SCN11A: variants seen among roughly 807,000 people sequenced by gnomAD.
The protein encoded by SCN11A is sodium channel protein type 11 subunit alpha.
Under a neutral mutation model 162.2 loss-of-function variants are expected in SCN11A, and 122 were observed. The ratio of observed to expected loss-of-function variants is 0.75; its 90% CI spans 0.65 to 0.87. The LOEUF (loss-of-function observed/expected upper bound fraction) is 0.87. Among genes scored for constraint, SCN11A ranks in the 40% least tolerant of loss-of-function variants. The probability of loss-of-function intolerance (pLI) is 0.00; values close to 1 mark genes in which losing one functional copy is unlikely to be tolerated. For missense variants in SCN11A, 2,015 were observed against 2,181.6 expected, an observed-to-expected ratio of 0.92 and a Z score of 1.52; for synonymous variants, 758 against 751.5, an observed-to-expected ratio of 1.01 and a Z score of -0.14.
chr3:39,025,981 A>G (rs2031577875), intron 2 of SCN11A: 1 of 152,232 alleles, frequency 6.6e-6, no homozygotes, highest in Non-Finnish European at 1.5e-5. Flanking sequence ...AAAAATACTT[A>G]AAAGAGTACT....
At chr3:38,983,245 G>A (rs1428861824) in intron 2 of SCN11A, among the ~76,000 whole-genome samples, 1 of 152,158 alleles carries the variant, frequency 6.6e-6, no homozygotes, top group Non-Finnish European at 1.5e-5. Context: ...GAGCTTTGAT[G>A]TTTTTTGCTC....
chr3:38,879,686 G>A (rs1285443554), intron 23 of SCN11A, among the ~76,000 whole-genome samples: 1 of 152,184 alleles, frequency 6.6e-6, no homozygotes, highest in Non-Finnish European at 1.5e-5. Context: ...AGTGCTTATG[G>A]AGAGAAGTGA....
chr3:38,849,053 C>A (rs2064727449), intron 29 of SCN11A, among the ~76,000 whole-genome samples: 1 of 152,152 alleles, frequency 6.6e-6, no homozygotes, highest in Admixed American at 6.5e-5. Context: ...TCCACTGGGG[C>A]AAATGCCATA....
intron 22 of SCN11A, among the ~76,000 whole-genome samples, chr3:38,880,880 G>A (rs551804561): frequency 6.6e-6 from 1 of 152,226 alleles, no homozygotes; most frequent in South Asian, 2.1e-4. Context: ...CGTATAAGCT[G>A]TCCTTTTGGC....
intron 28 of SCN11A, 104 bp from the exon 29 acceptor site, chr3:38,850,855 A>T (rs1227501338): frequency 3.1e-6 from 3 of 969,016 alleles, no homozygotes; most frequent in Non-Finnish European, 4.4e-6. Flanking sequence ...TTACAATTAA[A>T]GCAGTTCCTT....
Position 38,910,274 on chromosome 3 carries a change from C to T in SCN11A, c.960-67G>A, listed in dbSNP as rs184888373. ...CAGCCAAGCTTCTTTTTCCTTCCAA[C>T]GACTCTGGTTTTTCCAAGGGCTGTG... is the stretch of plus-strand genomic sequence containing the variant. On this transcript the variant is annotated intron_variant, in intron 11 of 29. Coordinates refer to ENST00000302328, the MANE Select transcript of SCN11A (RefSeq NM_001349253.2). 5.9e-6 allele frequency: 9 copies of T among 1,518,410 alleles called. No individual in the cohort carries two copies. The Admixed American group carries it at 7.5e-5, about 13-fold the overall frequency. The allele number at this position is 1,518,410 out of a possible 1,614,324, so 94.1% of individuals were successfully genotyped here.
chr3:38,881,830 T>C (rs577187853), intron 22 of SCN11A, among the ~76,000 whole-genome samples: 1 of 152,320 alleles, frequency 6.6e-6, no homozygotes, highest in South Asian at 2.1e-4. Flanking sequence ...CTGCCCAGCC[T>C]ACACCTGCCT....
chr3:39,030,545 T>C (rs993304247), intron 2 of SCN11A, among the ~76,000 whole-genome samples: 1 of 152,216 alleles, frequency 6.6e-6, no homozygotes, highest in Non-Finnish European at 1.5e-5. Flanking sequence ...ATCTTAACAG[T>C]AACTGAAGTT....
At chr3:38,961,738 T>A (rs1434620874) in intron 2 of SCN11A, among the ~76,000 whole-genome samples, 1 of 152,240 alleles carries the variant, frequency 6.6e-6, no homozygotes, top group Admixed American at 6.5e-5. Context: ...TGTTTGGGTT[T>A]TTTTTGTTAC....
intron 4 of SCN11A, among the ~76,000 whole-genome samples, chr3:38,951,924 G>C (rs1316552203): frequency 6.6e-6 from 1 of 152,076 alleles, no homozygotes; most frequent in Non-Finnish European, 1.5e-5. Flanking sequence ...ATAAAATCAG[G>C]CTGCTGGAGC....
At chr3:38,991,567 C>CA (rs746994951) in intron 2 of SCN11A, among the ~76,000 whole-genome samples, 2 of 152,186 alleles carry the variant, frequency 1.3e-5, no homozygotes, top group Non-Finnish European at 2.9e-5. Context: ...CAAAAATTGA[C>CA]AAAATTTGTA....
chr3:38,970,162 G>GC (rs746390964), intron 2 of SCN11A, among the ~76,000 whole-genome samples: 9 of 152,164 alleles, frequency 5.9e-5, no homozygotes, highest in Non-Finnish European at 8.8e-5. Flanking sequence ...ACAGCCCATA[G>GC]CAAGAGGGGG....
At chr3:38,988,530 C>A (rs1334430254) in intron 2 of SCN11A, among the ~76,000 whole-genome samples, 1 of 152,168 alleles carries the variant, frequency 6.6e-6, no homozygotes, top group African/African-American at 2.4e-5. Flanking sequence ...CCCTGTCCAG[C>A]CCTTACTCCA....
chr3:38,944,190 T>G (rs773224123), intron 7 of SCN11A, among the ~76,000 whole-genome samples: 48 of 152,228 alleles, frequency 3.2e-4, no homozygotes, highest in Non-Finnish European at 5.4e-4. Flanking sequence ...AAGAAAAAAT[T>G]TAATGCTAGC....
At chr3:38,987,299 T>TCACA (rs1331997215) in intron 2 of SCN11A, among the ~76,000 whole-genome samples, 97 of 111,738 alleles carry the variant, frequency 8.7e-4, no homozygotes, top group African/African-American at 1.7e-3. Context: ...TCTCTCTCTC[T>TCACA]CTCTCACACA....
chr3:38,914,331 T>C (rs910184899), intron 11 of SCN11A, among the ~76,000 whole-genome samples: 2 of 152,168 alleles, frequency 1.3e-5, no homozygotes, highest in African/African-American at 4.8e-5. Context: ...TTTTCGTACA[T>C]TGATTTTGTG....
intron 2 of SCN11A, among the ~76,000 whole-genome samples, chr3:38,981,830 T>C (rs2030068840): frequency 6.6e-6 from 1 of 151,394 alleles, no homozygotes; most frequent in African/African-American, 2.4e-5. Context: ...CATAGCAAAA[T>C]CCTGTTCTAT....
At position 38,904,070 on chromosome 3, in the gene SCN11A, C is replaced by A; in HGVS notation, c.1637G>T (p.Cys546Phe). The A allele has an allele frequency of 6.3e-7, 1 of 1,590,064 alleles. No individual in the cohort carries two copies. Among genetic ancestry groups the A allele is most frequent in the Non-Finnish European group, 8.5e-7 (1 of 1,170,058 alleles). The change falls in exon 16 of 30, where the codon TGT (cysteine) becomes TTT (phenylalanine). Residue 546 changes from cysteine (C) to phenylalanine (F), a missense_variant. Transcript: ENST00000302328. ...GTACTTGGATGCCAGGTTTTCTCCA[C>A]AAGGGAGACAAGGCTCTTGTGATTT... ...QEKSQEPCLPCGENLASKYLV... is the reference protein window; with the variant it reads ...QEKSQEPCLPFGENLASKYLV...
intron 7 of SCN11A, among the ~76,000 whole-genome samples, chr3:38,934,458 G>C (rs983797886): frequency 6.6e-6 from 1 of 152,192 alleles, no homozygotes; most frequent in African/African-American, 2.4e-5. Flanking sequence ...AGACCCATCA[G>C]TGTGCTGTAT....
Sources: gnomAD v4.1 joint callset for allele counts (sites outside exome capture counted in the v4.1 genomes callset) on GRCh38, gnomAD v4.1.1 for gene constraint, MANE v1.5 for transcripts, NCBI Gene and HGNC (gene_info 2026-07-23, HGNC 2026-07-21) for gene names.